VSNL1: variants seen among roughly 807,000 people sequenced by gnomAD.
VSNL1 encodes visinin-like protein 1.
A neutral mutation model predicts 20.4 loss-of-function variants in VSNL1; 6 were observed. The ratio of observed to expected loss-of-function variants is 0.29; its 90% CI spans 0.16 to 0.58. The LOEUF (loss-of-function observed/expected upper bound fraction) is 0.58. VSNL1 is among the 20% of genes least tolerant of loss of function. The pLI is 0.90. For synonymous variants in VSNL1, 93 were observed against 86.4 expected, an observed-to-expected ratio of 1.08 and a Z score of -0.42; for missense variants, 100 against 234.5, an observed-to-expected ratio of 0.43 and a Z score of 3.75.
At chr2:17,616,472 C>T (rs1302571619) in intron 2 of VSNL1, among the ~76,000 whole-genome samples, 5 of 152,182 alleles carry the variant, frequency 3.3e-5, no homozygotes, top group African/African-American at 4.8e-5. Flanking sequence ...AGCACTGTGA[C>T]GAGTCCTACA....
intron 2 of VSNL1, among the ~76,000 whole-genome samples, chr2:17,598,297 A>G (rs1664753793): frequency 6.6e-6 from 1 of 152,242 alleles, no homozygotes. Context: ...AAAATATATA[A>G]TCAAGGTCTG....
intron 1 of VSNL1, among the ~76,000 whole-genome samples, chr2:17,559,419 AC>A (rs199734258): frequency 0.052 from 7,688 of 148,832 alleles, 239 homozygotes; most frequent in Middle Eastern, 0.085. Context: ...AAAAAAAAAA[AC>A]AACAACAGCT....
chr2:17,640,294 C>T (rs1374226463), intron 2 of VSNL1, among the ~76,000 whole-genome samples: 1 of 151,248 alleles, frequency 6.6e-6, no homozygotes, highest in African/African-American at 2.4e-5. Context: ...GAAACTAAAG[C>T]TTTGAAAAGA....
At chr2:17,611,431 G>A (rs62132151) in intron 2 of VSNL1, among the ~76,000 whole-genome samples, 8,238 of 152,300 alleles carry the variant, frequency 0.054, 259 homozygotes, top group East Asian at 0.092. Context: ...TGTGGTGAGG[G>A]TGTCAGTGAT....
chr2:17,576,011 C>G (rs1664205215), intron 1 of VSNL1, among the ~76,000 whole-genome samples: 1 of 151,982 alleles, frequency 6.6e-6, no homozygotes, highest in Non-Finnish European at 1.5e-5. Context: ...TATTATTTGT[C>G]CCTCTCATTG....
At chr2:17,565,151 G>A (rs1408712061) in intron 1 of VSNL1, among the ~76,000 whole-genome samples, 3 of 152,130 alleles carry the variant, frequency 2.0e-5, no homozygotes, top group Non-Finnish European at 4.4e-5. Context: ...ATAGATGGCC[G>A]TTTGATTAAT....
intron 2 of VSNL1, among the ~76,000 whole-genome samples, chr2:17,607,836 A>T (rs12373666): frequency 0.29 from 44,814 of 152,194 alleles, 8,397 homozygotes; most frequent in Middle Eastern, 0.57. Context: ...ACATTTAAAG[A>T]GTGTTATCCA....
intron 1 of VSNL1, among the ~76,000 whole-genome samples, chr2:17,545,697 T>C (rs1373112062): frequency 6.6e-6 from 1 of 152,104 alleles, no homozygotes; most frequent in African/African-American, 2.4e-5. Flanking sequence ...CTTTTACTAA[T>C]GGAAGGGTCT....
At chr2:17,579,667 CTG>C (rs1410656599) in intron 1 of VSNL1, among the ~76,000 whole-genome samples, 1 of 152,182 alleles carries the variant, frequency 6.6e-6, no homozygotes, top group Non-Finnish European at 1.5e-5. Context: ...AAAGCTGAAA[CTG>C]AAACCTAGCT....
chr2:17,652,553 G>C (rs1044859406), intron 3 of VSNL1, among the ~76,000 whole-genome samples: 1 of 152,182 alleles, frequency 6.6e-6, no homozygotes, highest in African/African-American at 2.4e-5. Flanking sequence ...TAAAGACAGT[G>C]ACTGCAGAAA....
chr2:17,653,820 C>T (rs1666170245), intron 3 of VSNL1, among the ~76,000 whole-genome samples: 1 of 152,128 alleles, frequency 6.6e-6, no homozygotes. Flanking sequence ...GATATGCAAC[C>T]ATCACCATAA....
intron 1 of VSNL1, among the ~76,000 whole-genome samples, chr2:17,555,167 C>T (rs565138804): frequency 1.3e-5 from 2 of 152,252 alleles, no homozygotes; most frequent in South Asian, 4.1e-4. Flanking sequence ...GGCTTGGGCC[C>T]TAGAAAGTAG....
At chr2:17,630,020 T>C (rs930700111) in intron 2 of VSNL1, among the ~76,000 whole-genome samples, 3 of 152,128 alleles carry the variant, frequency 2.0e-5, no homozygotes, top group Admixed American at 1.3e-4. Flanking sequence ...GGCACGATAG[T>C]GTAGAAAAAC....
intron 1 of VSNL1, among the ~76,000 whole-genome samples, chr2:17,555,482 C>CCTTCATAAATATCAT (rs1330011653): frequency 5.3e-5 from 8 of 152,054 alleles, no homozygotes; most frequent in African/African-American, 1.9e-4. Context: ...ATCATTATCA[C>CCTTCATAAATATCAT]CTTCATAAAT....
At chr2:17,635,068 C>T (rs1170655140) in intron 2 of VSNL1, among the ~76,000 whole-genome samples, 1 of 152,158 alleles carries the variant, frequency 6.6e-6, no homozygotes, top group Non-Finnish European at 1.5e-5. Context: ...CAGGGTGCAC[C>T]AGCTGCTTAG....
At chr2:17,590,926 C>A (rs1176008000) in intron 1 of VSNL1, among the ~76,000 whole-genome samples, 3 of 152,036 alleles carry the variant, frequency 2.0e-5, no homozygotes, top group Admixed American at 6.6e-5. Context: ...TTCCAATTTT[C>A]AAGTTTAACT....
At chr2:17,585,800 C>CTTTTTTTTTT (rs1383820699) in intron 1 of VSNL1, among the ~76,000 whole-genome samples, 1 of 148,212 alleles carries the variant, frequency 6.7e-6, no homozygotes, top group Non-Finnish European at 1.5e-5. Flanking sequence ...TCTTGGAATT[C>CTTTTTTTTTT]TTTTTTTCTT....
chr2:17,655,541 T>C lies in VSNL1; in HGVS notation c.*147T>C. On this transcript the variant is annotated 3_prime_UTR_variant, in exon 4 of 4. Transcript: ENST00000295156. The surrounding 1 kb of genome is among the most constrained non-coding windows in gnomAD (Gnocchi z 5.2). ...TACCTATAAATGGACTTGCTTCTTGTGTTTGAAACACTCGTGTGCATGAGA... is the reference window on the plus strand; with the variant it reads ...TACCTATAAATGGACTTGCTTCTTGCGTTTGAAACACTCGTGTGCATGAGA... 1.4e-6 allele frequency: 1 copy of C among 731,446 alleles called. No individual in the cohort carries two copies. Among genetic ancestry groups the C allele is most frequent in the Non-Finnish European group, 2.2e-6 (1 of 458,564 alleles). The allele number at this position is 731,446 out of a possible 1,614,324, so 45.3% of individuals were successfully genotyped here.
intron 1 of VSNL1, among the ~76,000 whole-genome samples, chr2:17,591,174 T>C (rs1017850752): frequency 3.3e-5 from 5 of 152,192 alleles, no homozygotes; most frequent in Non-Finnish European, 7.3e-5. Context: ...GTCTGCTTTA[T>C]TAATGAATAA....
Sources: allele counts gnomAD v4.1 joint callset (sites outside exome capture counted in the v4.1 genomes callset), GRCh38; gene constraint gnomAD v4.1.1; non-coding constraint Gnocchi (gnomAD v3.1); transcripts MANE v1.5; gene names NCBI Gene and HGNC (gene_info 2026-07-23, HGNC 2026-07-21).